Variants in SGK1 observed in about 807,000 individuals in gnomAD.
SGK1 encodes the protein serine/threonine-protein kinase Sgk1.
In SGK1, 26 loss-of-function variants were observed where a neutral mutation model predicts 64.2. That is an observed-to-expected ratio of 0.40 (90% CI 0.30 to 0.56). The LOEUF is 0.56. Ranked by LOEUF, SGK1 falls within the 20% of genes least tolerant of loss-of-function variation. SGK1 has a pLI of 0.38. For missense variants in SGK1, 519 were observed against 645.6 expected, an observed-to-expected ratio of 0.80 and a Z score of 2.12; for synonymous variants, 265 against 239.7, an observed-to-expected ratio of 1.11 and a Z score of -0.98.
At position 134,193,111 on chromosome 6, in the gene SGK1, A is replaced by G. The variant is rs955616035; in HGVS notation, c.361+14245T>C. On this transcript the variant is annotated intron_variant, in intron 3 of 13. Coordinates refer to ENST00000367858, the MANE Select transcript of SGK1 (RefSeq NM_001143676.3). The stretch of plus-strand genomic sequence containing the variant: ...TCCATTTATTTTCTCTAAGTCAGGC[A>G]TATAAGCTGATATCATGTCTTACAT... 3.9e-5 allele frequency among the ~76,000 whole-genome samples: 6 copies of G among 152,224 alleles called. No homozygotes were observed. The South Asian group carries it at 1.2e-3, about 31-fold the overall frequency.
chr6:134,278,452 T>C (rs949363334), intron 1 of SGK1, among the ~76,000 whole-genome samples: 1 of 152,224 alleles, frequency 6.6e-6, no homozygotes, highest in African/African-American at 2.4e-5. Context: ...ACATCCAAAC[T>C]GGGGTCTTAT....
At chr6:134,185,178 C>A (rs1775401893) in intron 3 of SGK1, among the ~76,000 whole-genome samples, 1 of 152,236 alleles carries the variant, frequency 6.6e-6, no homozygotes, top group Non-Finnish European at 1.5e-5. Context: ...ATCCAACCAA[C>A]TTTCCTCAAG....
At chr6:134,298,627 A>T in intron 1 of SGK1, 2 of 1,286,284 alleles carry the variant, frequency 1.6e-6, no homozygotes, top group Non-Finnish European at 2.2e-6. Context: ...CTCGTGTAGG[A>T]GCGGCTGCTG....
chr6:134,170,553 C>G, intron 13 of SGK1, 118 bp from the exon 14 acceptor site: 1 of 923,234 alleles, frequency 1.1e-6, no homozygotes, highest in South Asian at 1.8e-5. Context: ...CATAATCACC[C>G]ACTTCAAGCA....
chr6:134,255,165 G>A (rs773739769), intron 2 of SGK1, among the ~76,000 whole-genome samples: 2 of 151,912 alleles, frequency 1.3e-5, no homozygotes, highest in Non-Finnish European at 2.9e-5. Context: ...CACCGTGCCC[G>A]GCTACAAATC....
chr6:134,306,870 A>G (rs1283664442), intron 1 of SGK1, among the ~76,000 whole-genome samples: 2 of 136,016 alleles, frequency 1.5e-5, no homozygotes, highest in African/African-American at 2.7e-5. Context: ...AAAGTGCTCA[A>G]TTCATGTTGG....
chr6:134,297,977 G>T (rs2114787972), intron 1 of SGK1: 3 of 818,750 alleles, frequency 3.7e-6, no homozygotes, highest in South Asian at 2.7e-5. Flanking sequence ...AGCGGCTGTT[G>T]TCCATGGACA....
chr6:134,279,266 T>C (rs943959586), intron 1 of SGK1, among the ~76,000 whole-genome samples: 1 of 151,976 alleles, frequency 6.6e-6, no homozygotes, highest in African/African-American at 2.4e-5. Flanking sequence ...ACCCCGTCTT[T>C]ATTAAAAATA....
chr6:134,171,707 TTA>T lies in SGK1; in HGVS notation c.1095_1096del (p.His365GlnfsTer5). 6.2e-7 allele frequency: 1 copy of T among 1,613,752 alleles called. No homozygotes were observed. The highest frequency in any genetic ancestry group is 8.5e-7 in the Non-Finnish European group (1 of 1,179,660). ...GTCCACAGTCCTGTCATAAGGCTGC[TTA>T]TGAAGCACCTCAGGTGCGAGATACT... On this transcript the variant is annotated frameshift_variant, in exon 11 of 14. Coordinates refer to ENST00000367858, the MANE Select transcript of SGK1 (RefSeq NM_001143676.3). LOFTEE classifies it high-confidence loss of function.
chr6:134,248,757 A>T (rs563340168), intron 2 of SGK1, among the ~76,000 whole-genome samples: 7 of 152,270 alleles, frequency 4.6e-5, no homozygotes, highest in African/African-American at 1.4e-4. Context: ...ACTCTGATCC[A>T]GGTAGGCTCT....
intron 2 of SGK1, among the ~76,000 whole-genome samples, chr6:134,248,039 A>G (rs965964419): frequency 2.0e-5 from 3 of 152,044 alleles, no homozygotes; most frequent in South Asian, 2.1e-4. Flanking sequence ...GATTTCAATT[A>G]TGAAGAAAAT....
chr6:134,262,409 C>A (rs780659916), intron 1 of SGK1, among the ~76,000 whole-genome samples: 3 of 150,268 alleles, frequency 2.0e-5, no homozygotes, highest in Non-Finnish European at 3.0e-5. Flanking sequence ...TTTTTCTTTT[C>A]TTTTTCCTCC....
At chr6:134,228,575 T>A (rs1360232082) in intron 2 of SGK1, among the ~76,000 whole-genome samples, 1 of 152,162 alleles carries the variant, frequency 6.6e-6, no homozygotes, top group Non-Finnish European at 1.5e-5. Context: ...CAGAAGCCAA[T>A]TTTTTGTGCC....
intron 2 of SGK1, among the ~76,000 whole-genome samples, chr6:134,215,489 T>C (rs1321406106): frequency 6.6e-6 from 1 of 152,138 alleles, no homozygotes; most frequent in East Asian, 1.9e-4. Context: ...TGTTTCCAGT[T>C]AATGGAAAGT....
At chr6:134,306,908 A>G (rs1191266755) in intron 1 of SGK1, among the ~76,000 whole-genome samples, 1 of 123,866 alleles carries the variant, frequency 8.1e-6, no homozygotes, top group Non-Finnish European at 1.6e-5. Flanking sequence ...ACAAAGAAAT[A>G]AAAGGGGGGG....
intron 3 of SGK1, among the ~76,000 whole-genome samples, chr6:134,206,372 T>C (rs1365165591): frequency 4.1e-3 from 27 of 6,554 alleles, no homozygotes; most frequent in African/African-American, 0.012. Flanking sequence ...TATATATATA[T>C]ATATATATAT....
chr6:134,202,376 G>A (rs1239068849), intron 3 of SGK1, among the ~76,000 whole-genome samples: 2 of 152,168 alleles, frequency 1.3e-5, no homozygotes, highest in African/African-American at 2.4e-5. Flanking sequence ...AGGCGCGGTG[G>A]CTCACTCCTG....
At chr6:134,225,351 G>GAAAAAA (rs780987311) in intron 2 of SGK1, among the ~76,000 whole-genome samples, 3 of 97,840 alleles carry the variant, frequency 3.1e-5, no homozygotes, top group African/African-American at 6.9e-5. Flanking sequence ...ACTCCATCTC[G>GAAAAAA]GAAAAAAAAA....
intron 2 of SGK1, among the ~76,000 whole-genome samples, chr6:134,225,008 C>CA (rs779785039): frequency 0.062 from 2,423 of 39,366 alleles, 171 homozygotes; most frequent in African/African-American, 0.15. Flanking sequence ...GACTCCATCT[C>CA]AAAAAAAAAA....
Sources: allele counts gnomAD v4.1 joint callset (sites outside exome capture counted in the v4.1 genomes callset), GRCh38; gene constraint gnomAD v4.1.1; transcripts MANE v1.5; gene names NCBI Gene and HGNC (gene_info 2026-07-23, HGNC 2026-07-21).